SLC15A1: variants seen among roughly 807,000 people sequenced by gnomAD.
SLC15A1 encodes solute carrier family 15 member 1.
A neutral mutation model predicts 92.9 loss-of-function variants in SLC15A1; 83 were observed. That is an observed-to-expected ratio of 0.89 (90% CI 0.75 to 1.07). SLC15A1 has a LOEUF of 1.07. Ranked by LOEUF, SLC15A1 falls within the 50% of genes least tolerant of loss-of-function variation. The pLI, the probability that SLC15A1 is intolerant of heterozygous loss-of-function variation, is 0.00. For synonymous variants in SLC15A1, 322 were observed against 318.2 expected (o/e 1.01, Z -0.13); for missense variants, 857 against 880.1 (o/e 0.97, Z 0.33).
chr13:98,703,262 AAAG>A (rs557825903), intron 17 of SLC15A1, among the ~76,000 whole-genome samples: 3 of 152,062 alleles, frequency 2.0e-5, no homozygotes, highest in East Asian at 3.9e-4. Flanking sequence ...AAGGAAGAAG[AAAG>A]AAGAAGGGCT....
intron 18 of SLC15A1, among the ~76,000 whole-genome samples, chr13:98,691,407 T>C (rs1175816989): frequency 1.3e-5 from 2 of 152,254 alleles, no homozygotes; most frequent in Non-Finnish European, 2.9e-5. Context: ...TGATGGACAT[T>C]GGATTTATTT....
rs1486188890 is a variant in SLC15A1, at chr13:98,684,405, C to T, written c.*319G>A. 4.1e-5 allele frequency: 8 copies of T among 196,316 alleles called. No individual in the cohort carries two copies. The highest frequency in any genetic ancestry group is 2.4e-3 in the Middle Eastern group (1 of 424). The allele number at this position is 196,316 out of a possible 1,614,324, so 12.2% of individuals were successfully genotyped here. ...TACTAAAAATACAAAAATAGCTGGG[C>T]GTGGTGGTGCATGCCGCTAATCCCA... On this transcript the variant is annotated 3_prime_UTR_variant, in exon 23 of 23. Transcript: ENST00000376503.
chr13:98,698,251 TA>T (rs1204888227), intron 18 of SLC15A1, among the ~76,000 whole-genome samples: 6 of 152,248 alleles, frequency 3.9e-5, no homozygotes, highest in African/African-American at 1.4e-4. Context: ...TATTATGTTG[TA>T]AATAATATTT....
In SLC15A1 at chr13:98,743,962, G is replaced by A. The variant is rs1223864672; in HGVS notation, c.4+8633C>T. 2.0e-5 allele frequency among the ~76,000 whole-genome samples: 3 copies of A among 152,018 alleles called. No homozygotes were observed. In the South Asian group the frequency reaches 6.2e-4, roughly 32 times the overall value. On this transcript the variant is annotated intron_variant, in intron 1 of 22. Coordinates refer to ENST00000376503, the MANE Select transcript of SLC15A1 (RefSeq NM_005073.4). ...CCCACACCCAGCAGGCAACAGAAAC[G>A]GTGGCCCTAATAATATTGTATATTG... is the stretch of plus-strand genomic sequence containing the variant.
intron 8 of SLC15A1, among the ~76,000 whole-genome samples, chr13:98,718,300 CTTTTTTTTTTTTTT>C (rs532286337): frequency 0.017 from 1,454 of 83,984 alleles, 9 homozygotes; most frequent in Middle Eastern, 0.058. Flanking sequence ...TCACCTTCAT[CTTTTTTTTTTTTTT>C]TTTTTTTTTT....
In SLC15A1 at chr13:98,690,019, C is replaced by T. The variant is rs1477702311; in HGVS notation, c.1467-1442G>A. On this transcript the variant is annotated intron_variant, in intron 18 of 22. Coordinates refer to ENST00000376503, the MANE Select transcript of SLC15A1 (RefSeq NM_005073.4). ...TTTCATAGCTGTTCCAGGCTATAGA[C>T]GACCCTGAAACTCTCATACAACCCT... Among the ~76,000 whole-genome samples the T allele has an allele frequency of 5.3e-5, 8 of 152,236 alleles. No homozygotes were observed. In the East Asian group the frequency reaches 9.6e-4, roughly 18 times the overall value.
chr13:98,749,911 T>C (rs980543757), intron 1 of SLC15A1, among the ~76,000 whole-genome samples: 2 of 152,200 alleles, frequency 1.3e-5, no homozygotes, highest in African/African-American at 4.8e-5. Flanking sequence ...TCTGCTCATT[T>C]GTTGATTGTG....
At position 98,704,902 on chromosome 13, in the gene SLC15A1, C is replaced by T. The variant is rs80163758; in HGVS notation, c.1270-467G>A. Among the ~76,000 whole-genome samples the T allele has an allele frequency of 3.1e-3, 475 of 152,134 alleles. 5 individuals carry two copies. Among genetic ancestry groups the T allele is most frequent in the African/African-American group, 0.011 (443 of 41,526 alleles). On this transcript the variant is annotated intron_variant, in intron 16 of 22. Coordinates refer to ENST00000376503, the MANE Select transcript of SLC15A1 (RefSeq NM_005073.4). ...AGGAACGAGACTGGCTAAATCTCAA[C>T]ATCTCTGGGGCTAGGGCTGGGCGCG... is the stretch of plus-strand genomic sequence containing the variant.
intron 7 of SLC15A1, among the ~76,000 whole-genome samples, chr13:98,720,094 C>A (rs1245788091): frequency 6.6e-6 from 1 of 152,210 alleles, no homozygotes; most frequent in Non-Finnish European, 1.5e-5. Context: ...TGCTTTGGTT[C>A]AGCTATCTCA....
chr13:98,739,167 C>T (rs1440996445), intron 1 of SLC15A1, among the ~76,000 whole-genome samples: 2 of 152,210 alleles, frequency 1.3e-5, no homozygotes, highest in African/African-American at 4.8e-5. Flanking sequence ...TGCCTATACT[C>T]CCATTGTATC....
In SLC15A1 at chr13:98,697,786, C is replaced by T. The variant is rs148022787; in HGVS notation, c.1466+4694G>A. Among the ~76,000 whole-genome samples the T allele has an allele frequency of 2.6e-5, 4 of 151,998 alleles. 1 individual carries two copies. In the East Asian group the frequency reaches 5.8e-4, roughly 22 times the overall value. Reference sequence around the variant, plus strand: ...GACAAGATATTTGGCCATACGCTGCCGCAAAAGTAGAAAGAAGGCTGAGAA... The same window carrying T: ...GACAAGATATTTGGCCATACGCTGCTGCAAAAGTAGAAAGAAGGCTGAGAA... On this transcript the variant is annotated intron_variant, in intron 18 of 22. Transcript: ENST00000376503.
chr13:98,721,970 C>G lies in SLC15A1; in HGVS notation c.366-67G>C. On this transcript the variant is annotated intron_variant, in intron 5 of 22. Coordinates refer to ENST00000376503, the MANE Select transcript of SLC15A1 (RefSeq NM_005073.4). ...GCAAGTAGAAGGCCTCTCTTTTCCC[C>G]AGTTTCCCTCAGTGGGCCTGGCATA... 3 of 1,286,822 alleles carry G rather than the reference C, an allele frequency of 2.3e-6. No homozygotes were observed. In the South Asian group the frequency reaches 4.0e-5, roughly 17 times the overall value. 79.7% of individuals were successfully genotyped at this position (1,286,822 alleles called of 1,614,324 possible). A position where few individuals can be genotyped will look rare whatever the true frequency, so the allele number is the denominator to read the frequency against.
At chr13:98,684,948 G>T in intron 22 of SLC15A1, 33 bp from the exon 23 acceptor site, 3 of 1,572,260 alleles carry the variant, frequency 1.9e-6, no homozygotes, top group Non-Finnish European at 2.6e-6. Context: ...GCAGGAAAAA[G>T]AACAAAAATA....
chr13:98,713,581 T>C (rs958861892), intron 9 of SLC15A1, among the ~76,000 whole-genome samples: 1 of 152,188 alleles, frequency 6.6e-6, no homozygotes, highest in African/African-American at 2.4e-5. Flanking sequence ...TTTTAAGATA[T>C]AATAACACAG....
At chr13:98,707,891 T>TTTTAAAA (rs1315915894) in intron 15 of SLC15A1, among the ~76,000 whole-genome samples, 2 of 106,852 alleles carry the variant, frequency 1.9e-5, no homozygotes, top group African/African-American at 7.9e-5. Context: ...AGACCCTGTT[T>TTTTAAAA]AAAAAAAAAA....
At chr13:98,686,009 G>C (rs547947764) in intron 22 of SLC15A1, among the ~76,000 whole-genome samples, 181 bp downstream of exon 22, 16 of 151,710 alleles carry the variant, frequency 1.1e-4, no homozygotes, top group African/African-American at 3.6e-4. Flanking sequence ...AGAAGAAGAA[G>C]AAGAAACAGC....
chr13:98,699,340 G>C (rs2088048990), intron 18 of SLC15A1, among the ~76,000 whole-genome samples: 1 of 152,266 alleles, frequency 6.6e-6, no homozygotes, highest in South Asian at 2.1e-4. Context: ...GTGAGAAAAG[G>C]AACTCCAGCC....
intron 1 of SLC15A1, among the ~76,000 whole-genome samples, 155 bp from the exon 2 acceptor site, chr13:98,727,014 T>G (rs1197568315): frequency 6.6e-6 from 1 of 152,204 alleles, no homozygotes; most frequent in African/African-American, 2.4e-5. Context: ...AGACTCATGC[T>G]TCTTATCTGA....
chr13:98,725,925 A>G (rs1594000087), intron 4 of SLC15A1, among the ~76,000 whole-genome samples, 198 bp downstream of exon 4: 1 of 152,000 alleles, frequency 6.6e-6, no homozygotes, highest in East Asian at 1.9e-4. Flanking sequence ...GGGTCTCACT[A>G]TGTTGCCCAG....
Sources: allele counts gnomAD v4.1 joint callset (sites outside exome capture counted in the v4.1 genomes callset), GRCh38; gene constraint gnomAD v4.1.1; transcripts MANE v1.5; gene names NCBI Gene and HGNC (gene_info 2026-07-23, HGNC 2026-07-21).